GAPVD1: variants seen among roughly 807,000 people sequenced by gnomAD.
GAPVD1 encodes the protein GTPase activating protein and VPS9 domains 1, also known as GTPase-activating protein and VPS9 domain-containing protein 1.
Under a neutral mutation model 155.5 loss-of-function variants are expected in GAPVD1, and 35 were observed. The observed-to-expected ratio is 0.23, with a 90% CI of 0.17 to 0.30. GAPVD1 has a LOEUF of 0.30. GAPVD1 is among the 10% of genes least tolerant of loss of function. The pLI, the probability that GAPVD1 is intolerant of heterozygous loss-of-function variation, is 1.00. For synonymous variants in GAPVD1, 636 were observed against 619.7 expected (o/e 1.03, Z -0.39); for missense variants, 1,429 against 1,775.7 (o/e 0.80, Z 3.51).
chr9:125,311,797 TCA>T (rs1842724544), intron 8 of GAPVD1, among the ~76,000 whole-genome samples: 1 of 151,896 alleles, frequency 6.6e-6, no homozygotes, highest in Non-Finnish European at 1.5e-5. Flanking sequence ...TTGGCCCACT[TCA>T]GTCTCCGTCT....
intron 2 of GAPVD1, among the ~76,000 whole-genome samples, chr9:125,276,289 C>T (rs1225736272): frequency 6.6e-6 from 1 of 151,996 alleles, no homozygotes; most frequent in East Asian, 1.9e-4. Flanking sequence ...GGCCAGAGTT[C>T]AAAACAAAAC....
Position 125,362,866 on chromosome 9 carries a change from A to G in GAPVD1, c.*120A>G. 1.3e-6 allele frequency: 1 copy of G among 768,202 alleles called. No individual in the cohort carries two copies. Among genetic ancestry groups the G allele is most frequent in the Non-Finnish European group, 2.0e-6 (1 of 501,498 alleles). The allele number at this position is 768,202 out of a possible 1,614,324, so 47.6% of individuals were successfully genotyped here. ...TGTATGATACTGCACAGCATCAGGCATTTTAAAGCAGATCTTTACTAAACA... is the reference window on the plus strand; with the variant it reads ...TGTATGATACTGCACAGCATCAGGCGTTTTAAAGCAGATCTTTACTAAACA... On this transcript the variant is annotated 3_prime_UTR_variant, in exon 28 of 28. Coordinates refer to ENST00000297933, the MANE Select transcript of GAPVD1 (RefSeq NM_001282680.3).
intron 2 of GAPVD1, among the ~76,000 whole-genome samples, chr9:125,289,105 C>G (rs1464707848): frequency 2.6e-5 from 4 of 152,092 alleles, no homozygotes; most frequent in Admixed American, 6.5e-5. Flanking sequence ...TTGTTTATGT[C>G]TGTTGTCTTG....
At position 125,299,579 on chromosome 9, in the gene GAPVD1, C is replaced by T. The variant is rs148724768; in HGVS notation, c.185+473C>T. On this transcript the variant is annotated intron_variant, in intron 4 of 27. Transcript: ENST00000297933. ...GCTGAGGCAGAGAATTGCTTGAACC[C>T]GGGAGGTGGAGGTTGCAGTGGGCCG... 6.1e-3 allele frequency among the ~76,000 whole-genome samples: 923 copies of T among 151,494 alleles called. 6 individuals carry two copies. The highest frequency in any genetic ancestry group is 0.017 in the Middle Eastern group (5 of 294).
intron 4 of GAPVD1, among the ~76,000 whole-genome samples, chr9:125,300,034 AAAAAATATATATATATATATATATATAT>A (rs1840549507): frequency 4.9e-5 from 1 of 20,322 alleles, no homozygotes; most frequent in African/African-American, 1.7e-4. Context: ...AAAAAAAAAA[AAAAAATATATATATATATATATATATAT>A]ATATATATAT....
intron 19 of GAPVD1, chr9:125,346,392 G>T (rs1047862724): frequency 4.7e-6 from 1 of 214,300 alleles, no homozygotes; most frequent in Non-Finnish European, 9.5e-6. Context: ...TTATTTAAAG[G>T]GGTTTAAGTC....
intron 19 of GAPVD1, 173 bp from the exon 20 acceptor site, chr9:125,346,646 C>G (rs1848555077): frequency 3.0e-6 from 2 of 663,154 alleles, no homozygotes; most frequent in Admixed American, 2.1e-5. Flanking sequence ...GGCTCTCAGA[C>G]CTAGAAATGG....
intron 12 of GAPVD1, among the ~76,000 whole-genome samples, chr9:125,329,178 C>T (rs907459685): frequency 1.3e-5 from 2 of 152,138 alleles, no homozygotes; most frequent in Non-Finnish European, 2.9e-5. Flanking sequence ...TTACTTTGTT[C>T]CAGATGCCAA....
chr9:125,274,078 C>T (rs1234078543), intron 2 of GAPVD1, among the ~76,000 whole-genome samples: 10 of 151,398 alleles, frequency 6.6e-5, no homozygotes, highest in Admixed American at 1.3e-4. Flanking sequence ...AGTGCAGTGG[C>T]GCAATCTTGG....
intron 2 of GAPVD1, among the ~76,000 whole-genome samples, chr9:125,287,229 C>T: frequency 6.6e-6 from 1 of 151,914 alleles, no homozygotes; most frequent in Non-Finnish European, 1.5e-5. Context: ...AATATAGAAA[C>T]ATGACGATGA....
At chr9:125,290,082 T>C (rs956619440) in intron 2 of GAPVD1, among the ~76,000 whole-genome samples, 1 of 152,100 alleles carries the variant, frequency 6.6e-6, no homozygotes, top group Non-Finnish European at 1.5e-5. Context: ...TTTAGTAGCA[T>C]GTTTATTGTT....
intron 8 of GAPVD1, chr9:125,308,090 T>G (rs1842126529): frequency 1.7e-6 from 1 of 595,722 alleles, no homozygotes; most frequent in Admixed American, 3.0e-5. Context: ...TTTTCATAAT[T>G]AATTGAAGTC....
At chr9:125,329,824 G>A (rs113262148) in intron 12 of GAPVD1, among the ~76,000 whole-genome samples, 1 of 152,016 alleles carries the variant, frequency 6.6e-6, no homozygotes, top group Non-Finnish European at 1.5e-5. Flanking sequence ...TGAGACTACC[G>A]GTGCACGCCA....
rs1589105391 is a variant in GAPVD1, at chr9:125,350,861, T to C, written c.3558T>C (p.Ala1186=). The stretch of plus-strand genomic sequence containing the variant: ...GTAGGAAACTGCTGGCTTCGATTGC[T>C]GAGGACTACAGGTAATATACCCCAC... ...RTCRKLLASI[A]EDYRKRAPYI... The change falls in exon 23 of 28, where the codon GCT becomes GCC. Residue 1186 remains alanine (A), a synonymous_variant. Coordinates refer to ENST00000297933, the MANE Select transcript of GAPVD1 (RefSeq NM_001282680.3). The C allele has an allele frequency of 1.9e-6, 3 of 1,613,398 alleles. No individual in the cohort carries two copies. The highest frequency in any genetic ancestry group is 1.3e-5 in the African/African-American group (1 of 75,034).
rs540601467 is a variant in GAPVD1, at chr9:125,283,076, T to G, written c.-149-12382T>G. On this transcript the variant is annotated intron_variant, in intron 2 of 27. Transcript: ENST00000297933. ...TATTTATTTATTTATTTATTTATGTTTGAGAGGGAGTTTTGCTCTGTCGCC... is the reference window on the plus strand; with the variant it reads ...TATTTATTTATTTATTTATTTATGTGTGAGAGGGAGTTTTGCTCTGTCGCC... Among the ~76,000 whole-genome samples the G allele has an allele frequency of 2.3e-5, 3 of 129,958 alleles. No homozygotes were observed. The South Asian group carries it at 7.0e-4, about 30-fold the overall frequency. 85.3% of individuals were successfully genotyped at this position (129,958 alleles called of 152,430 possible). A position where few individuals can be genotyped will look rare whatever the true frequency, so the allele number is the denominator to read the frequency against.
chr9:125,312,782 G>A (rs1227541237), intron 9 of GAPVD1, among the ~76,000 whole-genome samples, 170 bp downstream of exon 9: 1 of 152,138 alleles, frequency 6.6e-6, no homozygotes, highest in Non-Finnish European at 1.5e-5. Context: ...GTAAGGATCT[G>A]TTTACTGGTT....
At chr9:125,338,565 A>T (rs919456692) in intron 17 of GAPVD1, among the ~76,000 whole-genome samples, 2 of 152,158 alleles carry the variant, frequency 1.3e-5, no homozygotes, top group African/African-American at 4.8e-5. Context: ...CGCTCTTGAA[A>T]TTTACAGGCC....
Position 125,337,526 on chromosome 9 carries a change from ACTT to A in GAPVD1, c.2816_2818del (p.Ser939del), listed in dbSNP as rs1847220724. The A allele has an allele frequency of 6.2e-7, 1 of 1,613,968 alleles. No homozygotes were observed. The highest frequency in any genetic ancestry group is 8.5e-7 in the Non-Finnish European group (1 of 1,179,806). ...CCCTCCAGCTGCAGCCATTGGTGCTACTTCTTTGGTGGCTGCACCTCATTCATC... is the reference window on the plus strand; with the variant it reads ...CCCTCCAGCTGCAGCCATTGGTGCTACTTTGGTGGCTGCACCTCATTCATC... On this transcript the variant is annotated inframe_deletion, in exon 17 of 28. Coordinates refer to ENST00000297933, the MANE Select transcript of GAPVD1 (RefSeq NM_001282680.3).
rs138161399 is a variant in GAPVD1, at chr9:125,340,099, C to T, written c.2878-1078C>T. On this transcript the variant is annotated intron_variant, in intron 17 of 27. Transcript: ENST00000297933. Reference sequence around the variant, plus strand: ...GCAGTGGTGCGATCTCGGGTCACCGCAACCTCCACCTCCCGGGTTCAAGTG... The same window carrying T: ...GCAGTGGTGCGATCTCGGGTCACCGTAACCTCCACCTCCCGGGTTCAAGTG... Among the ~76,000 whole-genome samples, 765 of 152,318 alleles carry T rather than the reference C, an allele frequency of 5.0e-3. 8 individuals are homozygous for T. Among genetic ancestry groups the T allele is most frequent in the African/African-American group, 0.018 (748 of 41,554 alleles).
Sources: gnomAD v4.1 joint callset for allele counts (sites outside exome capture counted in the v4.1 genomes callset) on GRCh38, gnomAD v4.1.1 for gene constraint, MANE v1.5 for transcripts, NCBI Gene and HGNC (gene_info 2026-07-23, HGNC 2026-07-21) for gene names.